Variants in CBLB observed in about 807,000 individuals in gnomAD.
CBLB encodes the protein E3 ubiquitin-protein ligase CBL-B.
CBLB carries 31 observed loss-of-function variants against 104.9 expected under a neutral mutation model. That is an observed-to-expected ratio of 0.30 (90% confidence interval 0.22 to 0.40). The LOEUF is 0.40. CBLB is among the 10% of genes least tolerant of loss of function. The probability of loss-of-function intolerance (pLI) is 1.00; values close to 1 mark genes in which losing one functional copy is unlikely to be tolerated. For synonymous variants in CBLB, 440 were observed against 422.6 expected, an observed-to-expected ratio of 1.04 and a Z score of -0.51; for missense variants, 1,062 against 1,214.6, an observed-to-expected ratio of 0.87 and a Z score of 1.87.
At chr3:105,867,328 T>G in intron 2 of CBLB, 82 bp downstream of exon 2, 1 of 1,195,262 alleles carries the variant, frequency 8.4e-7, no homozygotes, top group Non-Finnish European at 1.3e-6. Flanking sequence ...TGGTTGGTAT[T>G]AATTAACAGT....
At chr3:105,828,127 C>T (rs2086869976) in intron 3 of CBLB, among the ~76,000 whole-genome samples, 1 of 152,148 alleles carries the variant, frequency 6.6e-6, no homozygotes, top group South Asian at 2.1e-4. Flanking sequence ...TGACTCATAA[C>T]CCTGTTCACA....
intron 3 of CBLB, among the ~76,000 whole-genome samples, chr3:105,806,139 T>C (rs1205565946): frequency 6.6e-6 from 1 of 152,164 alleles, no homozygotes; most frequent in Non-Finnish European, 1.5e-5. Flanking sequence ...TAATTCTCAC[T>C]TTAAAATGAC....
At chr3:105,776,228 C>A (rs1327863165) in intron 4 of CBLB, among the ~76,000 whole-genome samples, 168 bp downstream of exon 4, 1 of 147,174 alleles carries the variant, frequency 6.8e-6, no homozygotes, top group Non-Finnish European at 1.5e-5. Flanking sequence ...ATTATTGAGG[C>A]ATACCTTTGG....
intron 2 of CBLB, among the ~76,000 whole-genome samples, chr3:105,864,604 T>TA (rs1397249450): frequency 2.0e-5 from 3 of 152,176 alleles, no homozygotes; most frequent in Non-Finnish European, 4.4e-5. Context: ...CCTCAAAACA[T>TA]AGACTATGCT....
rs59169680 is a variant in CBLB, at chr3:105,677,350, TAAA to T, written c.2569+1078_2569+1080del. On this transcript the variant is annotated intron_variant, in intron 17 of 18. Coordinates refer to ENST00000394030, the MANE Select transcript of CBLB (RefSeq NM_170662.5). ...AAACTTTCTAAACTATCAAACCAAG[TAAA>T]AAAAAAAAAAAAAAACTAAGAAAAA... Among the ~76,000 whole-genome samples the T allele has an allele frequency of 2.0e-4, 22 of 108,770 alleles. No individual in the cohort carries two copies. The East Asian group carries it at 3.1e-3, about 15-fold the overall frequency. 71.4% of individuals were successfully genotyped at this position (108,770 alleles called of 152,430 possible).
At chr3:105,768,048 T>G (rs546849472) in intron 4 of CBLB, among the ~76,000 whole-genome samples, 1 of 152,216 alleles carries the variant, frequency 6.6e-6, no homozygotes, top group African/African-American at 2.4e-5. Flanking sequence ...CAATGGTTCC[T>G]GAAAGCCTGT....
intron 3 of CBLB, among the ~76,000 whole-genome samples, chr3:105,830,220 C>G (rs1170390169): frequency 6.6e-6 from 1 of 150,774 alleles, no homozygotes; most frequent in Non-Finnish European, 1.5e-5. Flanking sequence ...GAAAAGCCTA[C>G]TATTAATAAA....
chr3:105,819,468 C>G (rs1156711864), intron 3 of CBLB, among the ~76,000 whole-genome samples: 1 of 148,558 alleles, frequency 6.7e-6, no homozygotes, highest in Admixed American at 6.8e-5. Flanking sequence ...GCCTGGGCAA[C>G]AGAGCAAGAC....
intron 13 of CBLB, among the ~76,000 whole-genome samples, chr3:105,692,857 GAAGATATC>G (rs1308251468): frequency 6.7e-6 from 1 of 149,288 alleles, no homozygotes; most frequent in South Asian, 2.2e-4. Flanking sequence ...TTTAACTTGG[GAAGATATC>G]AATGAGAGAT....
rs80287673 is a variant in CBLB at position 105,864,330 on chromosome 3, A to G, written c.168+3080T>C. ...ATCCCCAGTAACGAGCACTCAGTGG[A>G]AACACAGTAGGCCCTCAAAAAATGT... is the stretch of plus-strand genomic sequence containing the variant. On this transcript the variant is annotated intron_variant, in intron 2 of 18. Transcript: ENST00000394030. Among the ~76,000 whole-genome samples the G allele has an allele frequency of 6.3e-3, 960 of 152,328 alleles. 29 individuals carry two copies. Among genetic ancestry groups the G allele is most frequent in the East Asian group, 0.054 (281 of 5,186 alleles).
In CBLB at chr3:105,665,961, G is replaced by A. The variant is rs1417148157; in HGVS notation, c.2689+4272C>T. 5.3e-5 allele frequency among the ~76,000 whole-genome samples: 8 copies of A among 151,590 alleles called. No individual in the cohort carries two copies. In the East Asian group the frequency reaches 1.6e-3, roughly 29 times the overall value. On this transcript the variant is annotated intron_variant, in intron 18 of 18. Transcript: ENST00000394030. ...GAACTGCTTAAACCCAGGAGGTGGA[G>A]GTTGCAGTGAGCCAAGATCGTGCCA...
rs115356056 is a variant in CBLB, at chr3:105,838,463, G to A, written c.419+14951C>T. Among the ~76,000 whole-genome samples the A allele has an allele frequency of 4.1e-3, 629 of 152,018 alleles. 5 individuals carry two copies. The highest frequency in any genetic ancestry group is 0.015 in the African/African-American group (608 of 41,444). Reference sequence around the variant, plus strand: ...CAAGATGGGCATGGGGATAGAGTGGGAATGTTAGCTATGCCAGTAATAAGA... The same window carrying A: ...CAAGATGGGCATGGGGATAGAGTGGAAATGTTAGCTATGCCAGTAATAAGA... On this transcript the variant is annotated intron_variant, in intron 3 of 18. Transcript: ENST00000394030.
At chr3:105,694,332 G>T (rs1466854496) in intron 12 of CBLB, among the ~76,000 whole-genome samples, 1 of 151,916 alleles carries the variant, frequency 6.6e-6, no homozygotes, top group East Asian at 1.9e-4. Context: ...TGAAATTACA[G>T]CAACTTAAAG....
intron 9 of CBLB, among the ~76,000 whole-genome samples, chr3:105,725,992 C>T (rs1013689616): frequency 6.6e-6 from 1 of 152,130 alleles, no homozygotes; most frequent in Non-Finnish European, 1.5e-5. Flanking sequence ...GCTGGGATTA[C>T]AGGCTCCCGC....
intron 3 of CBLB, among the ~76,000 whole-genome samples, chr3:105,836,128 G>A (rs533655106): frequency 6.6e-6 from 1 of 152,270 alleles, no homozygotes; most frequent in Admixed American, 6.5e-5. Context: ...GATGTGGGAA[G>A]ACCACCATGT....
intron 16 of CBLB, 200 bp downstream of exon 16, chr3:105,681,279 T>A: frequency 1.6e-6 from 1 of 606,856 alleles, no homozygotes; most frequent in South Asian, 2.1e-5. Context: ...GATGCCCAAC[T>A]ACTACACTAC....
intron 3 of CBLB, among the ~76,000 whole-genome samples, chr3:105,792,187 TG>T (rs1221586417): frequency 6.6e-6 from 1 of 152,180 alleles, no homozygotes. Context: ...CTGAAAGCAC[TG>T]GTTTAGCAGG....
intron 2 of CBLB, among the ~76,000 whole-genome samples, chr3:105,857,423 G>A (rs1179869028): frequency 6.6e-6 from 1 of 152,078 alleles, no homozygotes; most frequent in South Asian, 2.1e-4. Flanking sequence ...CAGAAGAGAC[G>A]TAGTTCTCTA....
intron 17 of CBLB, chr3:105,671,276 A>C (rs1428461038): frequency 4.8e-6 from 1 of 208,624 alleles, no homozygotes; most frequent in Middle Eastern, 1.5e-3. Context: ...CTCCCACCTC[A>C]GGCACCGCTG....
Sources: gnomAD v4.1 joint callset for allele counts (sites outside exome capture counted in the v4.1 genomes callset) on GRCh38, gnomAD v4.1.1 for gene constraint, MANE v1.5 for transcripts, NCBI Gene and HGNC (gene_info 2026-07-23, HGNC 2026-07-21) for gene names.